The following ZNF215 variants were observed in gnomAD, a reference collection of about 807,000 sequenced individuals.
ZNF215 encodes BWSCR2-associated zinc finger protein 2.
ZNF215 carries 24 observed loss-of-function variants against 27.2 expected under a neutral mutation model. That is an observed-to-expected ratio of 0.88 (90% CI 0.64 to 1.24). The LOEUF (loss-of-function observed/expected upper bound fraction) is 1.24, where lower values mean the gene tolerates loss of function less well. Among genes scored for constraint, ZNF215 ranks in the 50% most tolerant of loss-of-function variants. The probability of loss-of-function intolerance (pLI) is 0.00; values close to 1 mark genes in which losing one functional copy is unlikely to be tolerated. For synonymous variants in ZNF215, 210 were observed against 204.0 expected (o/e 1.03, Z -0.25); for missense variants, 675 against 605.7 (o/e 1.11, Z -1.20).
Position 6,957,737 on chromosome 11 carries a change from A to C in ZNF215, c.*1206A>C, listed in dbSNP as rs1202770425. The C allele has an allele frequency of 1.0e-6, 1 of 985,250 alleles. No homozygotes were observed. The highest frequency in any genetic ancestry group is 1.7e-5 in the African/African-American group (1 of 57,236). The allele number at this position is 985,250 out of a possible 1,614,324, so 61.0% of individuals were successfully genotyped here. On this transcript the variant is annotated 3_prime_UTR_variant, in exon 7 of 7. Transcript: ENST00000278319. ...AACCTATTGATGATGTTCAGTGCAG[A>C]CTTACTGTACCTTTGGGAATTTAGG...
chr11:6,931,522 A>G (rs1482562382), intron 2 of ZNF215, among the ~76,000 whole-genome samples: 3 of 152,248 alleles, frequency 2.0e-5, no homozygotes, highest in African/African-American at 7.2e-5. Flanking sequence ...CCTGGTGGGC[A>G]TTGCGTAATT....
At chr11:6,988,086 C>A, downstream of ZNF215, 2 of 486,232 alleles carry the variant, frequency 4.1e-6, no homozygotes, top group Non-Finnish European at 5.3e-6. Context: ...AGTAGTGTGA[C>A]CTGTCAGATT....
At chr11:6,974,152 A>G (rs1850781476) in intron 5 of ZNF215, among the ~76,000 whole-genome samples, 1 of 152,216 alleles carries the variant, frequency 6.6e-6, no homozygotes, top group East Asian at 1.9e-4. Context: ...TAAATAGGGA[A>G]TCCTTTCCCC....
intron 5 of ZNF215, among the ~76,000 whole-genome samples, chr11:6,974,438 A>T (rs1391101456): frequency 4.6e-5 from 7 of 152,176 alleles, no homozygotes; most frequent in Admixed American, 2.6e-4. Flanking sequence ...GAAGAAAGTC[A>T]TTGGTAGCTT....
In ZNF215 at chr11:6,942,637, C is replaced by T. The variant is rs545570917; in HGVS notation, c.484-446C>T. Among the ~76,000 whole-genome samples the T allele has an allele frequency of 2.0e-5, 3 of 152,264 alleles. No individual in the cohort carries two copies. In the East Asian group the frequency reaches 5.8e-4, roughly 29 times the overall value. ...GTCCCAAATGATAAGAGTTATCAGG[C>T]AGCATTTCTTAATTAAAGAAAATGC... On this transcript the variant is annotated intron_variant, in intron 4 of 6. Coordinates refer to ENST00000278319, the MANE Select transcript of ZNF215 (RefSeq NM_013250.4).
At chr11:6,932,029 T>C in intron 2 of ZNF215, 65 bp from the exon 3 acceptor site, 1 of 378,228 alleles carries the variant, frequency 2.6e-6, no homozygotes, top group Non-Finnish European at 4.7e-6. Context: ...TTTAATAATA[T>C]TTGTGTTTTA....
At chr11:6,976,447 A>G (rs1035531928) in intron 5 of ZNF215, among the ~76,000 whole-genome samples, 4 of 152,032 alleles carry the variant, frequency 2.6e-5, no homozygotes, top group Non-Finnish European at 5.9e-5. Flanking sequence ...TGTTTAATTG[A>G]TGAAGAAGCG....
intron 3 of ZNF215, among the ~76,000 whole-genome samples, chr11:6,939,517 A>G (rs1849561584): frequency 6.6e-6 from 1 of 152,210 alleles, no homozygotes; most frequent in Non-Finnish European, 1.5e-5. Context: ...ATGAGAGAAA[A>G]TACTAGGAAG....
downstream of ZNF215, among the ~76,000 whole-genome samples, chr11:6,989,344 A>T (rs1475885664): frequency 6.6e-6 from 1 of 152,092 alleles, no homozygotes; most frequent in East Asian, 1.9e-4. Context: ...CCTATAAAAG[A>T]AGTAGACATG....
chr11:6,981,761 A>C (rs1850957844), intron 5 of ZNF215, among the ~76,000 whole-genome samples: 1 of 152,130 alleles, frequency 6.6e-6, no homozygotes, highest in Non-Finnish European at 1.5e-5. Flanking sequence ...TTAAGTCTTT[A>C]ATCCATCTTG....
At chr11:6,951,831 G>A (rs1187173068) in intron 6 of ZNF215, among the ~76,000 whole-genome samples, 2 of 151,942 alleles carry the variant, frequency 1.3e-5, no homozygotes, top group African/African-American at 4.8e-5. Flanking sequence ...ATGTTAGGGT[G>A]TCAATTTTGG....
intron 6 of ZNF215, among the ~76,000 whole-genome samples, chr11:6,953,721 T>C (rs1850192452): frequency 6.6e-6 from 1 of 152,224 alleles, no homozygotes; most frequent in African/African-American, 2.4e-5. Context: ...ATCTGAAGCC[T>C]TCTTCTCTCA....
At chr11:6,975,583 T>C (rs1163144106) in intron 5 of ZNF215, among the ~76,000 whole-genome samples, 2 of 152,108 alleles carry the variant, frequency 1.3e-5, no homozygotes, top group African/African-American at 2.4e-5. Flanking sequence ...TTCAATTGTT[T>C]TAACCTTTAG....
chr11:6,949,575 C>G lies in ZNF215; in HGVS notation c.712+5934C>G, dbSNP rs139681343. ...ATGTCCTTCGCCCACTTGTTGATGGCGTTGTTTGTTTTTTTCTTGTAAATT... is the reference window on the plus strand; with the variant it reads ...ATGTCCTTCGCCCACTTGTTGATGGGGTTGTTTGTTTTTTTCTTGTAAATT... On this transcript the variant is annotated intron_variant, in intron 6 of 6. Coordinates refer to ENST00000278319, the MANE Select transcript of ZNF215 (RefSeq NM_013250.4). Among the ~76,000 whole-genome samples the G allele has an allele frequency of 7.9e-3, 1,191 of 150,544 alleles. 4 individuals are homozygous for G. Among genetic ancestry groups the G allele is most frequent in the Middle Eastern group, 0.024 (7 of 290 alleles).
downstream of ZNF215, chr11:6,988,334 A>C: frequency 5.8e-6 from 5 of 856,308 alleles, no homozygotes; most frequent in African/African-American, 1.8e-5. Context: ...AGCCACTCTC[A>C]TTTGTGTCTG....
chr11:6,964,945 A>C (rs1293108478), intron 5 of ZNF215, among the ~76,000 whole-genome samples: 4 of 152,106 alleles, frequency 2.6e-5, no homozygotes, highest in Non-Finnish European at 5.9e-5. Flanking sequence ...ATTTGTATTT[A>C]AACAAAGTTT....
In ZNF215 at chr11:6,933,517, G is replaced by A. The variant is rs1200021063; in HGVS notation, c.400+845G>A. ...GAAGAGCTGGTCTAGGCCAGGTGCGGTGGCTCACGCCTGTAATCCCAGCAC... is the reference window on the plus strand; with the variant it reads ...GAAGAGCTGGTCTAGGCCAGGTGCGATGGCTCACGCCTGTAATCCCAGCAC... On this transcript the variant is annotated intron_variant, in intron 3 of 6. Coordinates refer to ENST00000278319, the MANE Select transcript of ZNF215 (RefSeq NM_013250.4). Among the ~76,000 whole-genome samples, 5 of 152,152 alleles carry A rather than the reference G, an allele frequency of 3.3e-5. No homozygotes were observed. The East Asian group carries it at 7.7e-4, about 23-fold the overall frequency.
chr11:6,949,780 T>C (rs993395409), intron 6 of ZNF215, among the ~76,000 whole-genome samples: 1 of 152,240 alleles, frequency 6.6e-6, no homozygotes, highest in Admixed American at 6.5e-5. Flanking sequence ...CCATTGCTTT[T>C]GGTGTTTTAG....
chr11:6,932,422 G>A lies in ZNF215; in HGVS notation c.150G>A (p.Lys50=). The change falls in exon 3 of 7, where the codon AAG becomes AAA. Residue 50 remains lysine, a synonymous_variant. Coordinates refer to ENST00000278319, the MANE Select transcript of ZNF215 (RefSeq NM_013250.4). ...ETHDSEASRQ[K]FRHFQYLKVS... is the part of the protein sequence containing the mutation. Reference sequence around the variant, plus strand: ...ATGACTCTGAGGCATCTCGTCAAAAGTTCAGACATTTCCAGTATTTGAAAG... The same window carrying A: ...ATGACTCTGAGGCATCTCGTCAAAAATTCAGACATTTCCAGTATTTGAAAG... 1 of 1,614,174 alleles carries A rather than the reference G, an allele frequency of 6.2e-7. No individual in the cohort carries two copies. Among genetic ancestry groups the A allele is most frequent in the Non-Finnish European group, 8.5e-7 (1 of 1,180,026 alleles).
Sources: gnomAD v4.1 joint callset for allele counts (sites outside exome capture counted in the v4.1 genomes callset) on GRCh38, gnomAD v4.1.1 for gene constraint, MANE v1.5 for transcripts, NCBI Gene and HGNC (gene_info 2026-07-23, HGNC 2026-07-21) for gene names.